The following SPON2 variants were observed in gnomAD, a reference collection of about 807,000 sequenced individuals.
The protein encoded by SPON2 is spondin 2.
In SPON2, 32 loss-of-function variants were observed where a neutral mutation model predicts 29.9. That is an observed-to-expected ratio of 1.07 (90% CI 0.81 to 1.44). SPON2 has a LOEUF of 1.44. SPON2 is among the 40% of genes most tolerant of loss of function. The pLI is 0.00. For missense variants in SPON2, 541 were observed against 455.5 expected (o/e 1.19, Z -1.71); for synonymous variants, 248 against 209.1 (o/e 1.19, Z -1.61).
At chr4:1,182,135 C>T (rs1304913836) in intron 1 of SPON2, among the ~76,000 whole-genome samples, 1 of 151,962 alleles carries the variant, frequency 6.6e-6, no homozygotes, top group Non-Finnish European at 1.5e-5. Flanking sequence ...ACATGATTTT[C>T]AAAATTGTGA....
At chr4:1,168,326 A>G (rs1333833928) in intron 5 of SPON2, among the ~76,000 whole-genome samples, 6 of 152,144 alleles carry the variant, frequency 3.9e-5, no homozygotes, top group Non-Finnish European at 8.8e-5. Context: ...GGAGGCCAGG[A>G]GCCCCGCCTC....
At chr4:1,195,003 G>GC (rs1728022925) in exon 1 of SPON2, 19 of 142,252 alleles carry the variant, frequency 1.3e-4, no homozygotes, top group Admixed American at 2.1e-4. Flanking sequence ...ACAGCCGGCG[G>GC]TTCCAACCCC....
chr4:1,196,903 C>G (rs1402512444), upstream of SPON2: 1 of 152,292 alleles, frequency 6.6e-6, no homozygotes, highest in Admixed American at 6.5e-5. Flanking sequence ...AGAGGACACC[C>G]CCCTGACATC....
At chr4:1,191,821 G>A (rs1464957779) in intron 1 of SPON2, among the ~76,000 whole-genome samples, 1 of 152,204 alleles carries the variant, frequency 6.6e-6, no homozygotes, top group Non-Finnish European at 1.5e-5. Context: ...AGAGGGTGGA[G>A]GAGGTGCCCA....
At chr4:1,193,757 G>A (rs1230576261) in intron 1 of SPON2, among the ~76,000 whole-genome samples, 11 of 85,770 alleles carry the variant, frequency 1.3e-4, no homozygotes, top group African/African-American at 7.2e-4. Flanking sequence ...GGGGTGGTGT[G>A]GGAAGGACGT....
At chr4:1,194,899 A>G (rs2335913) in intron 1 of SPON2, 36,288 of 87,816 alleles carry the variant, frequency 0.41, 6,879 homozygotes, top group Non-Finnish European at 0.47. Flanking sequence ...ACAGCCGGCG[A>G]CTCCAACCCC....
At chr4:1,170,297 A>T in intron 5 of SPON2, 105 bp downstream of exon 5, 1 of 1,125,870 alleles carries the variant, frequency 8.9e-7, no homozygotes, top group Admixed American at 2.2e-5. Context: ...ACGCACTACG[A>T]ATCCCTACTT....
At chr4:1,188,321 T>C (rs1345323455) in intron 1 of SPON2, among the ~76,000 whole-genome samples, 1 of 147,660 alleles carries the variant, frequency 6.8e-6, no homozygotes, top group East Asian at 2.0e-4. Flanking sequence ...AAACCTAAGA[T>C]ATGGAAAACA....
upstream of SPON2, among the ~76,000 whole-genome samples, chr4:1,178,090 G>A (rs1727639032): frequency 6.7e-6 from 1 of 149,584 alleles, no homozygotes; most frequent in African/African-American, 2.5e-5. Context: ...AGACACCACG[G>A]GCTCTGCACA....
intron 1 of SPON2, among the ~76,000 whole-genome samples, chr4:1,186,786 A>G (rs1000669699): frequency 2.0e-5 from 3 of 152,232 alleles, no homozygotes; most frequent in Admixed American, 1.3e-4. Context: ...TCCCAACATC[A>G]TTTATTACTG....
At chr4:1,189,137 G>T (rs1474990753) in intron 1 of SPON2, among the ~76,000 whole-genome samples, 1 of 151,960 alleles carries the variant, frequency 6.6e-6, no homozygotes, top group African/African-American at 2.4e-5. Flanking sequence ...TGAGATAAAT[G>T]GAAATGAAAA....
Position 1,171,910 on chromosome 4 carries a change from C to G in SPON2, c.162G>C (p.Thr54=). The change falls in exon 2 of 6, where the codon ACG becomes ACC. Residue 54 remains threonine (T), a synonymous_variant. Coordinates refer to ENST00000290902, the MANE Select transcript of SPON2 (RefSeq NM_012445.4). ...ACAGGGGGTACTGCTTGGGGAAGGC[C>G]GTCTGGCTCCACTTGCCCGTGAAGG... ...SITFTGKWSQ[T]AFPKQYPLFR... 2 of 1,612,992 alleles carry G rather than the reference C, an allele frequency of 1.2e-6. No individual in the cohort carries two copies. The highest frequency in any genetic ancestry group is 1.7e-6 in the Non-Finnish European group (2 of 1,179,932).
At chr4:1,176,526 A>G (rs1040362883), upstream of SPON2, among the ~76,000 whole-genome samples, 5 of 151,758 alleles carry the variant, frequency 3.3e-5, no homozygotes, top group African/African-American at 1.2e-4. Context: ...ATTGATTCAC[A>G]CAGTACATTC....
chr4:1,198,681 T>C (rs1449580789), upstream of SPON2, among the ~76,000 whole-genome samples: 1 of 151,712 alleles, frequency 6.6e-6, no homozygotes, highest in Non-Finnish European at 1.5e-5. Context: ...GGCAGCATCG[T>C]GTTATGGCCA....
In SPON2 at chr4:1,202,086, C is replaced by T. The variant is rs1288251242; in HGVS notation, c.-234+5794G>A. Among the ~76,000 whole-genome samples the T allele has an allele frequency of 1.3e-5, 2 of 152,228 alleles. No individual in the cohort carries two copies. Among genetic ancestry groups the T allele is most frequent in the African/African-American group, 4.8e-5 (2 of 41,458 alleles). ...CATCATCCGCAGAAGACGTCCTGTG[C>T]CTGTTAGCAACCGCTCCCCGCCACG... is the stretch of plus-strand genomic sequence containing the variant. On this transcript the variant is annotated intron_variant, in intron 1 of 3. Transcript: ENST00000509233. This position sits in a 1 kb window ranked among gnomAD's most constrained non-coding sequence, Gnocchi z 5.4.
Position 1,202,127 on chromosome 4 carries a change from C to A in SPON2, c.-234+5753G>T, listed in dbSNP as rs1045941728. ...CCCCGCCACGGTTTGAGTGAGGCCA[C>A]AACAGAACATCAGACAGCAGTTTAT... is the stretch of plus-strand genomic sequence containing the variant. On this transcript the variant is annotated intron_variant, in intron 1 of 3. Transcript: ENST00000509233. The surrounding 1 kb of genome is among the most constrained non-coding windows in gnomAD (Gnocchi z 5.4). 6.6e-6 allele frequency among the ~76,000 whole-genome samples: 1 copy of A among 152,228 alleles called. No individual in the cohort carries two copies. The highest frequency in any genetic ancestry group is 6.5e-5 in the Admixed American group (1 of 15,288).
chr4:1,205,689 G>C (rs561250545), intron 1 of SPON2, among the ~76,000 whole-genome samples: 1 of 152,288 alleles, frequency 6.6e-6, no homozygotes, highest in South Asian at 2.1e-4. Context: ...TGTTGATCAG[G>C]GGAGATGCTG....
At position 1,202,098 on chromosome 4, in the gene SPON2, C is replaced by T. The variant is rs761396409; in HGVS notation, c.-234+5782G>A. 1.3e-5 allele frequency among the ~76,000 whole-genome samples: 2 copies of T among 152,196 alleles called. No individual in the cohort carries two copies. The highest frequency in any genetic ancestry group is 1.3e-4 in the Admixed American group (2 of 15,290). Reference sequence around the variant, plus strand: ...AAGACGTCCTGTGCCTGTTAGCAACCGCTCCCCGCCACGGTTTGAGTGAGG... The same window carrying T: ...AAGACGTCCTGTGCCTGTTAGCAACTGCTCCCCGCCACGGTTTGAGTGAGG... On this transcript the variant is annotated intron_variant, in intron 1 of 3. Coordinates refer to the SPON2 transcript ENST00000509233. The surrounding 1 kb of genome is among the most constrained non-coding windows in gnomAD (Gnocchi z 5.4).
intron 1 of SPON2, chr4:1,194,962 A>ACTCCAACCCCGCAGCCGGCGG (rs1728018914): frequency 1.4e-4 from 3 of 22,108 alleles, no homozygotes; most frequent in Non-Finnish European, 2.2e-4. Flanking sequence ...GCAGCCGGCG[A>ACTCCAACCCCGCAGCCGGCGG]CTCCAACCCC....
Sources: allele counts gnomAD v4.1 joint callset (sites outside exome capture counted in the v4.1 genomes callset), GRCh38; gene constraint gnomAD v4.1.1; non-coding constraint Gnocchi (gnomAD v3.1); transcripts MANE v1.5; gene names NCBI Gene and HGNC (gene_info 2026-07-23, HGNC 2026-07-21).